BICRAL: variants seen among roughly 807,000 people sequenced by gnomAD.
BICRAL encodes the protein BRD4-interacting chromatin-remodeling complex-associated protein-like.
A neutral mutation model predicts 91.8 loss-of-function variants in BICRAL; 8 were observed. The ratio of observed to expected loss-of-function variants is 0.09; its 90% CI spans 0.05 to 0.16. BICRAL has a LOEUF of 0.16. BICRAL is among the 10% of genes least tolerant of loss of function. The pLI is 1.00. For missense variants in BICRAL, 1,038 were observed against 1,310.9 expected, an observed-to-expected ratio of 0.79 and a Z score of 3.21; for synonymous variants, 445 against 491.1, an observed-to-expected ratio of 0.91 and a Z score of 1.24.
At chr6:42,846,416 T>TAA (rs1765014205) in intron 6 of BICRAL, among the ~76,000 whole-genome samples, 1 of 151,932 alleles carries the variant, frequency 6.6e-6, no homozygotes, top group African/African-American at 2.4e-5. Context: ...AATAAATAAA[T>TAA]AAAGAGTTAT....
Position 42,834,530 on chromosome 6 carries a change from C to T in BICRAL, c.1839+4358C>T, listed in dbSNP as rs554982880. On this transcript the variant is annotated intron_variant, in intron 6 of 12. Coordinates refer to ENST00000314073, the MANE Select transcript of BICRAL (RefSeq NM_001393499.1). ...AATTCCTTCATTTGTCCTGTACTTA[C>T]TAGTAGCATTCTAATTTAAGGAACA... Among the ~76,000 whole-genome samples the T allele has an allele frequency of 3.3e-5, 5 of 152,268 alleles. No homozygotes were observed. The South Asian group carries it at 8.3e-4, about 25-fold the overall frequency.
chr6:42,779,077 T>C (rs527595150), upstream of BICRAL, among the ~76,000 whole-genome samples: 1 of 151,564 alleles, frequency 6.6e-6, no homozygotes, highest in East Asian at 1.9e-4. Flanking sequence ...ATTGGCTGAG[T>C]GTGCTGGTGT....
chr6:42,761,449 ATAAAT>A (rs146186556), intron 1 of BICRAL, among the ~76,000 whole-genome samples: 2,013 of 152,262 alleles, frequency 0.013, 52 homozygotes, highest in African/African-American at 0.047. Flanking sequence ...AGTGCAATAA[ATAAAT>A]TAATTAATTA....
At chr6:42,850,623 C>T (rs530696717) in intron 6 of BICRAL, among the ~76,000 whole-genome samples, 3 of 152,042 alleles carry the variant, frequency 2.0e-5, no homozygotes, top group South Asian at 4.1e-4. Context: ...CGGTGGCTCA[C>T]GTTTGTAATC....
chr6:42,857,614 A>AAAATATAT, intron 10 of BICRAL, among the ~76,000 whole-genome samples: 334 of 96,162 alleles, frequency 3.5e-3, no homozygotes, highest in Middle Eastern at 0.013. Context: ...AAAAAAAAAA[A>AAAATATAT]ATATATATAT....
chr6:42,829,697 A>G lies in BICRAL; in HGVS notation c.1364A>G (p.Asn455Ser), dbSNP rs755415746. The G allele has an allele frequency of 6.2e-7, 1 of 1,614,102 alleles. No homozygotes were observed. Among genetic ancestry groups the G allele is most frequent in the African/African-American group, 1.3e-5 (1 of 74,942 alleles). Residue 455 changes from asparagine (N) to serine (S), a missense_variant, in exon 6 of 13, where the codon AAC becomes AGC. Physicochemically the swap from Asn to Ser is conservative, Grantham distance 46. This residue lies in a region of BICRAL where 532 missense variants were observed against 724.9 expected (regional missense o/e 0.73). Transcript: ENST00000314073. Reference sequence around the variant, plus strand: ...AACTCTTCCAACATGCTCAGGACCAACCAACCATATACTGGACCGATGCTT... The same window carrying G: ...AACTCTTCCAACATGCTCAGGACCAGCCAACCATATACTGGACCGATGCTT... ...NRNSSNMLRTNQPYTGPMLNN... is the reference protein window; with the variant it reads ...NRNSSNMLRTSQPYTGPMLNN...
At chr6:42,844,742 C>T (rs1012999467) in intron 6 of BICRAL, among the ~76,000 whole-genome samples, 2 of 151,780 alleles carry the variant, frequency 1.3e-5, no homozygotes, top group Non-Finnish European at 2.9e-5. Context: ...AGACAGCTGT[C>T]AGATAAATGA....
intron 1 of BICRAL, among the ~76,000 whole-genome samples, chr6:42,789,559 T>C (rs1001367001): frequency 2.0e-5 from 3 of 151,670 alleles, no homozygotes; most frequent in African/African-American, 4.9e-5. Flanking sequence ...TGAGAATTGC[T>C]TGAACCTGGA....
Position 42,830,126 on chromosome 6 carries a change from T to TCAGTAA in BICRAL, c.1796_1801dup (p.Ser599_Asn600dup). 7 of 1,614,038 alleles carry TCAGTAA rather than the reference T, an allele frequency of 4.3e-6. No individual in the cohort carries two copies. Among genetic ancestry groups the TCAGTAA allele is most frequent in the Non-Finnish European group, 5.9e-6 (7 of 1,179,916 alleles). On this transcript the variant is annotated inframe_insertion, in exon 6 of 13. Coordinates refer to ENST00000314073, the MANE Select transcript of BICRAL (RefSeq NM_001393499.1). Reference sequence around the variant, plus strand: ...TCTTCTTCCAAGTCTACCAGCACCTTCAGTAACACACCTGGAACAGGAACC... The same window carrying TCAGTAA: ...TCTTCTTCCAAGTCTACCAGCACCTTCAGTAACAGTAACACACCTGGAACAGGAACC...
chr6:42,861,723 G>C (rs1425213965), intron 11 of BICRAL, among the ~76,000 whole-genome samples: 1 of 152,140 alleles, frequency 6.6e-6, no homozygotes, highest in Non-Finnish European at 1.5e-5. Flanking sequence ...ACCAGGCCAG[G>C]CACAGTGGCT....
At chr6:42,780,416 C>T (rs1320076071), upstream of BICRAL, among the ~76,000 whole-genome samples, 2 of 151,832 alleles carry the variant, frequency 1.3e-5, no homozygotes, top group African/African-American at 2.4e-5. Context: ...GAGAACTCAC[C>T]AAATATCTGG....
intron 3 of BICRAL, 147 bp downstream of exon 3, chr6:42,822,210 A>G (rs1764156760): frequency 1.8e-6 from 1 of 553,858 alleles, no homozygotes; most frequent in African/African-American, 1.9e-5. Context: ...CAGAGACATG[A>G]TTAACATAGG....
At position 42,865,598 on chromosome 6, in the gene BICRAL, A is replaced by G. The variant is rs191737374; in HGVS notation, c.*152A>G. 7.4e-3 allele frequency: 4,482 copies of G among 602,668 alleles called. 28 individuals are homozygous for G. Among genetic ancestry groups the G allele is most frequent in the Non-Finnish European group, 9.9e-3 (3,311 of 335,642 alleles). The allele number at this position is 602,668 out of a possible 1,614,324, so 37.3% of individuals were successfully genotyped here. A position where few individuals can be genotyped will look rare whatever the true frequency, so the allele number is the denominator to read the frequency against. ...ATCACAGGTTATTCTTTCTAATCTC[A>G]ATCCTGTTCTTTGTTTAAGAGCAAT... On this transcript the variant is annotated 3_prime_UTR_variant, in exon 13 of 13. Coordinates refer to ENST00000314073, the MANE Select transcript of BICRAL (RefSeq NM_001393499.1).
intron 1 of BICRAL, among the ~76,000 whole-genome samples, chr6:42,786,009 C>G (rs1038204481): frequency 6.6e-6 from 1 of 151,932 alleles, no homozygotes; most frequent in African/African-American, 2.4e-5. Context: ...GAGCTGAGAT[C>G]GCGCCACTGC....
At chr6:42,847,030 G>A (rs1444387521) in intron 6 of BICRAL, among the ~76,000 whole-genome samples, 11 of 152,212 alleles carry the variant, frequency 7.2e-5, no homozygotes, top group African/African-American at 2.7e-4. Flanking sequence ...TAGAGGGGCT[G>A]AGGTGAGCAG....
intron 2 of BICRAL, among the ~76,000 whole-genome samples, chr6:42,811,645 C>T (rs796417807): frequency 3.3e-5 from 5 of 150,908 alleles, no homozygotes; most frequent in African/African-American, 9.7e-5. Context: ...AAAAAGCCTA[C>T]GTTCCCAGGG....
intron 1 of BICRAL, among the ~76,000 whole-genome samples, chr6:42,767,926 G>A (rs1208193285): frequency 2.6e-5 from 4 of 152,304 alleles, no homozygotes; most frequent in Middle Eastern, 3.4e-3. Context: ...TGGCAAGAGT[G>A]GAGAGTGGTC....
chr6:42,845,676 A>G (rs890039890), intron 6 of BICRAL, among the ~76,000 whole-genome samples: 1 of 151,928 alleles, frequency 6.6e-6, no homozygotes, highest in Non-Finnish European at 1.5e-5. Flanking sequence ...CTATCTTTAC[A>G]TTATTCCAAA....
At chr6:42,832,196 A>G (rs965342983) in intron 6 of BICRAL, among the ~76,000 whole-genome samples, 5 of 151,160 alleles carry the variant, frequency 3.3e-5, no homozygotes, top group Non-Finnish European at 5.9e-5. Context: ...AAAAATACAA[A>G]AATTAGCTGG....
Sources: allele counts gnomAD v4.1 joint callset (sites outside exome capture counted in the v4.1 genomes callset), GRCh38; gene constraint gnomAD v4.1.1; regional missense constraint gnomAD v4.1.1; transcripts MANE v1.5; gene names NCBI Gene and HGNC (gene_info 2026-07-23, HGNC 2026-07-21).